FBXO36: variants seen among roughly 807,000 people sequenced by gnomAD.
FBXO36 encodes F-box protein 36.
Under a neutral mutation model 17.0 loss-of-function variants are expected in FBXO36, and 18 were observed. The observed-to-expected ratio is 1.06, with a 90% confidence interval of 0.73 to 1.57. FBXO36 has a LOEUF of 1.57. Ranked by LOEUF, FBXO36 falls within the 40% of genes most tolerant of loss-of-function variation. The pLI is 0.00. For synonymous variants in FBXO36, 83 were observed against 85.3 expected, an observed-to-expected ratio of 0.97 and a Z score of 0.15; for missense variants, 229 against 221.9, an observed-to-expected ratio of 1.03 and a Z score of -0.20.
At chr2:229,967,927 G>A (rs2106187967) in intron 1 of FBXO36, among the ~76,000 whole-genome samples, 1 of 152,104 alleles carries the variant, frequency 6.6e-6, no homozygotes, top group Admixed American at 6.6e-5. Flanking sequence ...TTTTTCTATT[G>A]ATTGTAATAG....
intron 1 of FBXO36, among the ~76,000 whole-genome samples, chr2:229,966,133 T>A (rs1438129833): frequency 6.6e-6 from 1 of 152,236 alleles, no homozygotes; most frequent in Admixed American, 6.5e-5. Flanking sequence ...TGGCCAGTGA[T>A]GATGAGCATT....
intron 1 of FBXO36, among the ~76,000 whole-genome samples, chr2:229,963,788 T>G (rs1415503060): frequency 1.3e-5 from 2 of 152,190 alleles, no homozygotes; most frequent in Non-Finnish European, 2.9e-5. Flanking sequence ...CTGTAGTATG[T>G]AATCCTATGA....
chr2:230,001,785 C>T (rs2077360253), intron 3 of FBXO36, among the ~76,000 whole-genome samples: 1 of 151,990 alleles, frequency 6.6e-6, no homozygotes, highest in African/African-American at 2.4e-5. Flanking sequence ...CTGGGAATTT[C>T]ACTTATTTCC....
At chr2:229,938,282 C>T (rs1341916795) in intron 1 of FBXO36, among the ~76,000 whole-genome samples, 3 of 103,526 alleles carry the variant, frequency 2.9e-5, no homozygotes, top group African/African-American at 1.2e-4. Flanking sequence ...AGTGCAATGG[C>T]GCCATCTCGG....
At chr2:229,943,213 C>G (rs1364813385) in intron 1 of FBXO36, 1 of 152,292 alleles carries the variant, frequency 6.6e-6, no homozygotes, top group Non-Finnish European at 1.5e-5. Context: ...GAGGTGGGGC[C>G]TCTGTGGCAC....
rs576061615 is a variant in FBXO36, at chr2:230,004,031, T to C, written c.379-6665T>C. 2.6e-4 allele frequency among the ~76,000 whole-genome samples: 39 copies of C among 151,672 alleles called. No individual in the cohort carries two copies. The East Asian group carries it at 7.3e-3, about 28-fold the overall frequency. On this transcript the variant is annotated intron_variant, in intron 3 of 3. Coordinates refer to ENST00000283946, the MANE Select transcript of FBXO36 (RefSeq NM_174899.5). ...ATTTTCAGAATGAGGTCCACAGTCG[T>C]AGCCAGCACAGCCACGGGGCCCTTG...
chr2:229,969,186 A>G (rs930265321), intron 1 of FBXO36, among the ~76,000 whole-genome samples: 1 of 152,008 alleles, frequency 6.6e-6, no homozygotes, highest in Admixed American at 6.6e-5. Flanking sequence ...AAGACGCATA[A>G]TTAGAATTCT....
intron 2 of FBXO36, chr2:229,977,086 T>C (rs1261033573): frequency 6.6e-6 from 1 of 152,126 alleles, no homozygotes; most frequent in East Asian, 1.9e-4. Context: ...AGAGGTTAGT[T>C]GGCGGTTTCT....
At chr2:230,010,376 G>A (rs1384792192) in intron 3 of FBXO36, among the ~76,000 whole-genome samples, 1 of 152,240 alleles carries the variant, frequency 6.6e-6, no homozygotes, top group South Asian at 2.1e-4. Flanking sequence ...GGACTTGGCC[G>A]CAGTGGGGTG....
At chr2:229,989,243 A>G (rs1350417096) in intron 2 of FBXO36, among the ~76,000 whole-genome samples, 1 of 151,936 alleles carries the variant, frequency 6.6e-6, no homozygotes. Context: ...TCTGATCATG[A>G]TGTATTTTTA....
chr2:229,985,344 A>G (rs1478708593), intron 2 of FBXO36, among the ~76,000 whole-genome samples: 1 of 152,166 alleles, frequency 6.6e-6, no homozygotes. Flanking sequence ...ACTCCATCCA[A>G]TAGGAGGTAG....
intron 1 of FBXO36, among the ~76,000 whole-genome samples, chr2:229,961,065 C>T (rs936291558): frequency 3.3e-5 from 5 of 151,854 alleles, no homozygotes; most frequent in African/African-American, 7.2e-5. Context: ...CCGAGATCAC[C>T]GCCATTGCCC....
chr2:229,936,368 A>C (rs1382168543), intron 1 of FBXO36, among the ~76,000 whole-genome samples: 1 of 152,198 alleles, frequency 6.6e-6, no homozygotes, highest in Non-Finnish European at 1.5e-5. Flanking sequence ...TATTACCTAG[A>C]CCAGCAGTTT....
At chr2:229,929,383 G>A (rs1005651656) in intron 1 of FBXO36, among the ~76,000 whole-genome samples, 3 of 149,970 alleles carry the variant, frequency 2.0e-5, no homozygotes, top group African/African-American at 7.3e-5. Context: ...CCAACATGGT[G>A]AAACCCCGTC....
intron 3 of FBXO36, among the ~76,000 whole-genome samples, chr2:230,004,508 A>G (rs1577365867): frequency 6.6e-6 from 1 of 152,298 alleles, no homozygotes; most frequent in East Asian, 1.9e-4. Context: ...CATTCCTCTG[A>G]TTCTCATCTC....
chr2:229,984,573 A>G (rs1249588806), intron 2 of FBXO36, among the ~76,000 whole-genome samples: 1 of 151,464 alleles, frequency 6.6e-6, no homozygotes, highest in Non-Finnish European at 1.5e-5. Flanking sequence ...TATTTTTAGT[A>G]GAGACGGGGT....
At chr2:229,946,883 G>A (rs2077029834) in intron 1 of FBXO36, among the ~76,000 whole-genome samples, 5 of 152,142 alleles carry the variant, frequency 3.3e-5, no homozygotes. Flanking sequence ...AGCAAGTATA[G>A]AAGTCAGGCG....
chr2:229,968,555 CCTTCGGGCTTCAAGCAGTCCCCTTGT>C (rs1371572025), intron 1 of FBXO36, among the ~76,000 whole-genome samples: 1 of 152,152 alleles, frequency 6.6e-6, no homozygotes, highest in African/African-American at 2.4e-5. Context: ...GCTGCCTTGA[CCTTCGGGCTTCAAGCAGTCCCCTTGT>C]CTCAGCCCCA....
At chr2:229,982,775 T>C (rs2077247270) in intron 2 of FBXO36, among the ~76,000 whole-genome samples, 2 of 68,038 alleles carry the variant, frequency 2.9e-5, no homozygotes, top group African/African-American at 1.0e-4. Flanking sequence ...CAAGAGCTTG[T>C]CTCAAAAAAA....
Sources: gnomAD v4.1 joint callset for allele counts (sites outside exome capture counted in the v4.1 genomes callset) on GRCh38, gnomAD v4.1.1 for gene constraint, MANE v1.5 for transcripts, NCBI Gene and HGNC (gene_info 2026-07-23, HGNC 2026-07-21) for gene names.